Variants in NTF3 observed in about 807,000 individuals in gnomAD.
The protein encoded by NTF3 is neurotrophin 3.
In NTF3, 8 loss-of-function variants were observed where a neutral mutation model predicts 26.3. The ratio of observed to expected loss-of-function variants is 0.30; its 90% CI spans 0.18 to 0.55. The LOEUF is 0.55. Ranked by LOEUF, NTF3 falls within the 20% of genes least tolerant of loss-of-function variation. The pLI is 0.93. For synonymous variants in NTF3, 154 were observed against 145.5 expected (o/e 1.06, Z -0.42); for missense variants, 276 against 352.9 (o/e 0.78, Z 1.75).
At chr12:5,446,577 G>A (rs1252147584) in intron 1 of NTF3, among the ~76,000 whole-genome samples, 1 of 152,204 alleles carries the variant, frequency 6.6e-6, no homozygotes, top group African/African-American at 2.4e-5. Context: ...CTGTTAGGAA[G>A]CCATGGCTTG....
chr12:5,487,070 C>T (rs1940875678), intron 1 of NTF3, among the ~76,000 whole-genome samples: 1 of 152,188 alleles, frequency 6.6e-6, no homozygotes, highest in African/African-American at 2.4e-5. Context: ...CCTAGTCCAC[C>T]CTCCTTCCAT....
intron 1 of NTF3, among the ~76,000 whole-genome samples, chr12:5,439,908 A>G (rs1277051166): frequency 1.3e-5 from 2 of 152,042 alleles, no homozygotes; most frequent in Admixed American, 1.3e-4. Flanking sequence ...TCTTGCTGGG[A>G]GGTTGGGGGG....
At position 5,494,475 on chromosome 12, in the gene NTF3, A is replaced by G. The variant is rs1348223897; in HGVS notation, c.300A>G (p.Ala100=). 11 of 1,613,706 alleles carry G rather than the reference A, an allele frequency of 6.8e-6. No individual in the cohort carries two copies. Among genetic ancestry groups the G allele is most frequent in the Non-Finnish European group, 8.5e-6 (10 of 1,180,014 alleles). ...PAKSAFQPVI[A]MDTELLRQQR... The stretch of plus-strand genomic sequence containing the variant: ...AGTCAGCATTCCAGCCGGTGATTGC[A>G]ATGGACACCGAACTGCTGCGACAAC... Residue 100 remains alanine, a synonymous_variant, in exon 2 of 2, where the codon GCA becomes GCG. Coordinates refer to ENST00000423158, the MANE Select transcript of NTF3 (RefSeq NM_001102654.2). This position sits in a 1 kb window ranked among gnomAD's most constrained non-coding sequence, Gnocchi z 8.3.
chr12:5,479,426 T>G (rs59918277), intron 1 of NTF3, among the ~76,000 whole-genome samples: 40,051 of 152,136 alleles, frequency 0.26, 5,408 homozygotes, highest in South Asian at 0.34. Flanking sequence ...TTTGTAGATA[T>G]GAGGGCTCTC....
chr12:5,440,636 G>A (rs1940225274), intron 1 of NTF3, among the ~76,000 whole-genome samples: 1 of 152,228 alleles, frequency 6.6e-6, no homozygotes, highest in African/African-American at 2.4e-5. Flanking sequence ...CACCCACCTG[G>A]CTACCTTAAA....
intron 1 of NTF3, among the ~76,000 whole-genome samples, chr12:5,454,613 T>A (rs1940414395): frequency 6.6e-6 from 1 of 152,212 alleles, no homozygotes; most frequent in South Asian, 2.1e-4. Flanking sequence ...AGGGCCCCCA[T>A]GTGGGGTCTC....
At chr12:5,448,932 A>G (rs1043226891) in intron 1 of NTF3, among the ~76,000 whole-genome samples, 1 of 152,232 alleles carries the variant, frequency 6.6e-6, no homozygotes, top group African/African-American at 2.4e-5. Context: ...CGCACTTCTG[A>G]GTTCTTGATA....
intron 1 of NTF3, among the ~76,000 whole-genome samples, chr12:5,487,923 C>T (rs1015993477): frequency 6.6e-6 from 1 of 152,192 alleles, no homozygotes; most frequent in African/African-American, 2.4e-5. Context: ...TGTGCGTCAG[C>T]AGGTTTTGGG....
chr12:5,486,880 G>GATGT lies in NTF3; in HGVS notation c.19-7314_19-7313insATGT, dbSNP rs1940871972. 2.0e-5 allele frequency among the ~76,000 whole-genome samples: 3 copies of GATGT among 148,700 alleles called. No homozygotes were observed. In the South Asian group the frequency reaches 6.5e-4, roughly 32 times the overall value. On this transcript the variant is annotated intron_variant, in intron 1 of 1. Coordinates refer to ENST00000423158, the MANE Select transcript of NTF3 (RefSeq NM_001102654.2). ...CCATCCTCACCTCAGGTAGTTACGTGGTGTGTGTGTGTGTGTGTGTGTGTG... is the reference window on the plus strand; with the variant it reads ...CCATCCTCACCTCAGGTAGTTACGTGATGTGTGTGTGTGTGTGTGTGTGTGTGTG...
rs1435123422 is a variant in NTF3 at position 5,494,266 on chromosome 12, G to A, written c.91G>A (p.Gly31Ser). 1.9e-6 allele frequency: 3 copies of A among 1,614,084 alleles called. No individual in the cohort carries two copies. In the South Asian group the frequency reaches 3.3e-5, roughly 18 times the overall value. Residue 31 changes from glycine (G) to serine (S), a missense_variant, in exon 2 of 2, where the codon GGT (glycine) becomes AGT (serine). Around this residue, in one of 3 missense-constraint regions of NTF3, gnomAD observed 221 missense variants for 258.2 expected, o/e 0.86. Transcript: ENST00000423158. This position sits in a 1 kb window ranked among gnomAD's most constrained non-coding sequence, Gnocchi z 8.3. ...TCTCGCTTATCTCCGTGGCATCCAA[G>A]GTAACAACATGGATCAAAGGAGTTT... is the stretch of plus-strand genomic sequence containing the variant. ...IFLAYLRGIQGNNMDQRSLPE... is the reference protein window; with the variant it reads ...IFLAYLRGIQSNNMDQRSLPE...
At chr12:5,473,321 G>T (rs1424776882) in intron 1 of NTF3, among the ~76,000 whole-genome samples, 1 of 152,170 alleles carries the variant, frequency 6.6e-6, no homozygotes, top group Admixed American at 6.5e-5. Context: ...TGTGGGCCCT[G>T]CCCTCAGGAA....
chr12:5,432,727 G>C (rs1033459292), intron 1 of NTF3, among the ~76,000 whole-genome samples: 2 of 152,088 alleles, frequency 1.3e-5, no homozygotes, highest in South Asian at 2.1e-4. Flanking sequence ...GGGGGCAGAA[G>C]AGGGGAAATG....
chr12:5,432,252 G>A lies in NTF3; in HGVS notation c.-73G>A, dbSNP rs1565568454. On this transcript the variant is annotated 5_prime_UTR_variant, in exon 1 of 2. Transcript: ENST00000423158. ...GTAGTGGCTGCGGCGGGGTGGGGGA[G>A]ACTTTGAATGACCGAGCTCGCGTCC... The A allele has an allele frequency of 7.8e-6, 12 of 1,543,754 alleles. No individual in the cohort carries two copies. The highest frequency in any genetic ancestry group is 2.7e-5 in the African/African-American group (2 of 73,512).
chr12:5,471,695 T>C (rs142440519), intron 1 of NTF3, among the ~76,000 whole-genome samples: 1 of 152,148 alleles, frequency 6.6e-6, no homozygotes, highest in African/African-American at 2.4e-5. Context: ...GGAAGACTTC[T>C]GGACAGTGGC....
At chr12:5,465,121 C>T (rs1044448198) in intron 1 of NTF3, among the ~76,000 whole-genome samples, 3 of 152,180 alleles carry the variant, frequency 2.0e-5, no homozygotes, top group African/African-American at 7.2e-5. Context: ...TGTCCAAGCT[C>T]ACATCTCCCG....
intron 1 of NTF3, among the ~76,000 whole-genome samples, chr12:5,465,938 C>T (rs1335321298): frequency 2.6e-5 from 4 of 152,222 alleles, no homozygotes; most frequent in Non-Finnish European, 5.9e-5. Flanking sequence ...CTTTATAGCT[C>T]CCCATCGAGC....
intron 1 of NTF3, among the ~76,000 whole-genome samples, chr12:5,469,390 A>G (rs1421292421): frequency 1.3e-5 from 2 of 152,118 alleles, no homozygotes; most frequent in African/African-American, 2.4e-5. Flanking sequence ...GCGAAGGGAG[A>G]GAAGTGGGGA....
intron 1 of NTF3, among the ~76,000 whole-genome samples, chr12:5,468,265 A>G (rs1267172067): frequency 6.6e-6 from 1 of 152,146 alleles, no homozygotes; most frequent in African/African-American, 2.4e-5. Context: ...ATTGAAAGAG[A>G]GAGATGTTTT....
At chr12:5,438,373 T>C (rs1200443125) in intron 1 of NTF3, among the ~76,000 whole-genome samples, 1 of 152,220 alleles carries the variant, frequency 6.6e-6, no homozygotes, top group African/African-American at 2.4e-5. Context: ...GCCATGGTCC[T>C]TCTCAAATAG....
Sources: gnomAD v4.1 joint callset for allele counts (sites outside exome capture counted in the v4.1 genomes callset) on GRCh38, gnomAD v4.1.1 for gene constraint, gnomAD v4.1.1 regional missense constraint, Gnocchi (gnomAD v3.1) non-coding constraint, MANE v1.5 for transcripts, NCBI Gene and HGNC (gene_info 2026-07-23, HGNC 2026-07-21) for gene names.